Variants in USP24 observed in about 807,000 individuals in gnomAD.
USP24 encodes ubiquitin specific peptidase 24, also known as ubiquitin carboxyl-terminal hydrolase 24.
Under a neutral mutation model 361.6 loss-of-function variants are expected in USP24, and 97 were observed. The ratio of observed to expected loss-of-function variants is 0.27; its 90% confidence interval spans 0.23 to 0.32. The LOEUF (loss-of-function observed/expected upper bound fraction) is 0.32. Ranked by LOEUF, USP24 falls within the 10% of genes least tolerant of loss-of-function variation. The pLI is 1.00. For synonymous variants in USP24, 1,098 were observed against 1,124.6 expected (o/e 0.98, Z 0.47); for missense variants, 2,353 against 3,165.6 (o/e 0.74, Z 6.16).
intron 3 of USP24, among the ~76,000 whole-genome samples, chr1:55,176,046 C>T (rs1649949853): frequency 6.6e-6 from 1 of 152,076 alleles, no homozygotes; most frequent in Non-Finnish European, 1.5e-5. Context: ...CTAATATGTG[C>T]AATATCCTAG....
intron 39 of USP24, among the ~76,000 whole-genome samples, chr1:55,109,160 G>A (rs1008096757): frequency 9.2e-5 from 14 of 151,956 alleles, no homozygotes; most frequent in African/African-American, 3.4e-4. Flanking sequence ...GGCTGATTTT[G>A]TGTTTTTGGT....
At chr1:55,111,331 G>A (rs1645945214) in intron 38 of USP24, among the ~76,000 whole-genome samples, 1 of 152,068 alleles carries the variant, frequency 6.6e-6, no homozygotes, top group African/African-American at 2.4e-5. Context: ...AAGAGTATAT[G>A]TTAAAACTCT....
Position 55,137,923 on chromosome 1 carries a change from C to CA in USP24, c.2929-20dup. On this transcript the variant is annotated intron_variant, in intron 26 of 67. Transcript: ENST00000294383. ...TGTGAGCCTGTAAAATAAAATTAAA[C>CA]ACGTTGTGAGAGAATTCATTTATTT... is the stretch of plus-strand genomic sequence containing the variant. The CA allele has an allele frequency of 6.4e-7, 1 of 1,556,378 alleles. No individual in the cohort carries two copies. The highest frequency in any genetic ancestry group is 8.7e-7 in the Non-Finnish European group (1 of 1,148,216).
intron 1 of USP24, among the ~76,000 whole-genome samples, chr1:55,195,767 AGTG>A: frequency 6.6e-6 from 1 of 152,332 alleles, no homozygotes; most frequent in Middle Eastern, 3.4e-3. Flanking sequence ...CAGAAAGTAA[AGTG>A]GTGGGTGCCA....
intron 36 of USP24, among the ~76,000 whole-genome samples, chr1:55,123,132 T>C (rs542385669): frequency 7.2e-5 from 11 of 152,340 alleles, no homozygotes; most frequent in Admixed American, 5.2e-4. Context: ...GGAATTGATA[T>C]ACAATTCTAA....
chr1:55,152,032 C>A (rs1323608425), intron 16 of USP24: 4 of 977,708 alleles, frequency 4.1e-6, no homozygotes, highest in Non-Finnish European at 3.6e-6. Flanking sequence ...AATAATTCAC[C>A]CCCCTGCCTG....
intron 1 of USP24, among the ~76,000 whole-genome samples, chr1:55,190,705 G>A (rs796226842): frequency 1.2e-4 from 18 of 152,276 alleles, no homozygotes; most frequent in African/African-American, 4.3e-4. Flanking sequence ...TGAGGACAAA[G>A]ATAACGGACA....
At chr1:55,074,913 G>T (rs1644995056) in intron 63 of USP24, among the ~76,000 whole-genome samples, 1 of 152,106 alleles carries the variant, frequency 6.6e-6, no homozygotes. Context: ...CAGGTAAATG[G>T]TGGAAGCTGG....
At chr1:55,207,894 T>C (rs1176869747) in intron 1 of USP24, among the ~76,000 whole-genome samples, 2 of 152,260 alleles carry the variant, frequency 1.3e-5, no homozygotes, top group East Asian at 1.9e-4. Flanking sequence ...CTGGAACAAC[T>C]ACTTGTTAGT....
intron 12 of USP24, among the ~76,000 whole-genome samples, chr1:55,155,441 T>C (rs568106861): frequency 6.6e-6 from 1 of 152,232 alleles, no homozygotes; most frequent in African/African-American, 2.4e-5. Context: ...AGTCATTCAT[T>C]GAATGTAGTA....
chr1:55,200,295 CT>C (rs2100915628), intron 1 of USP24, among the ~76,000 whole-genome samples: 1 of 152,296 alleles, frequency 6.6e-6, no homozygotes, highest in African/African-American at 2.4e-5. Flanking sequence ...GTTGGAGGTC[CT>C]TATGGGAATA....
At chr1:55,183,154 G>T (rs1419045207) in intron 1 of USP24, among the ~76,000 whole-genome samples, 1 of 152,108 alleles carries the variant, frequency 6.6e-6, no homozygotes, top group Admixed American at 6.5e-5. Context: ...AAATTATTAT[G>T]TGTTTTATTT....
At chr1:55,137,927 T>C (rs762394359) in intron 26 of USP24, 23 bp from the exon 27 acceptor site, 2 of 1,550,628 alleles carry the variant, frequency 1.3e-6, no homozygotes, top group Non-Finnish European at 1.7e-6. Context: ...ATTAAACACG[T>C]TGTGAGAGAA....
intron 67 of USP24, 73 bp downstream of exon 67, chr1:55,071,741 C>T: frequency 7.0e-7 from 1 of 1,421,554 alleles, no homozygotes; most frequent in Non-Finnish European, 9.7e-7. Flanking sequence ...TTTCCCTCAG[C>T]TGTGGAAATT....
At chr1:55,122,207 T>C (rs1646301589) in intron 36 of USP24, among the ~76,000 whole-genome samples, 1 of 152,192 alleles carries the variant, frequency 6.6e-6, no homozygotes, top group Admixed American at 6.5e-5. Flanking sequence ...GTCTGGGCAG[T>C]GCAGGGGCAA....
chr1:55,151,864 G>C (rs143060378), intron 16 of USP24: 1 of 976,962 alleles, frequency 1.0e-6, no homozygotes, highest in East Asian at 1.1e-4. Context: ...GGGGAATAGA[G>C]GTAGCTGAGG....
chr1:55,126,107 C>G (rs1646421271), intron 32 of USP24, among the ~76,000 whole-genome samples: 1 of 152,196 alleles, frequency 6.6e-6, no homozygotes, highest in African/African-American at 2.4e-5. Context: ...TTCACAGTAG[C>G]CTGTAAGACC....
intron 63 of USP24, among the ~76,000 whole-genome samples, 186 bp downstream of exon 63, chr1:55,075,271 G>T (rs891922766): frequency 6.6e-6 from 1 of 151,804 alleles, no homozygotes; most frequent in African/African-American, 2.4e-5. Flanking sequence ...AAATGTGTAG[G>T]GTGAGAAGAT....
In USP24 at chr1:55,107,481, T is replaced by C. The variant is rs1352182311; in HGVS notation, c.4571-51A>G. On this transcript the variant is annotated intron_variant, in intron 39 of 67. Coordinates refer to ENST00000294383, the MANE Select transcript of USP24 (RefSeq NM_015306.3). The stretch of plus-strand genomic sequence containing the variant: ...ACAAAGAAAGAAGGATTTCCCTTTA[T>C]GGAGTCAAAGTCCTGAATTAAAGTA... 6 of 1,484,692 alleles carry C rather than the reference T, an allele frequency of 4.0e-6. No homozygotes were observed. In the African/African-American group the frequency reaches 7.1e-5, roughly 18 times the overall value. 92.0% of individuals were successfully genotyped at this position (1,484,692 alleles called of 1,614,324 possible).
Sources: allele counts gnomAD v4.1 joint callset (sites outside exome capture counted in the v4.1 genomes callset), GRCh38; gene constraint gnomAD v4.1.1; transcripts MANE v1.5; gene names NCBI Gene and HGNC (gene_info 2026-07-23, HGNC 2026-07-21).